Variants in SLC4A8 observed in about 807,000 individuals in gnomAD.
SLC4A8 encodes solute carrier family 4 member 8, also known as electroneutral sodium bicarbonate exchanger 1.
A neutral mutation model predicts 125.0 loss-of-function variants in SLC4A8; 40 were observed. The ratio of observed to expected loss-of-function variants is 0.32; its 90% CI spans 0.25 to 0.42. SLC4A8 has a LOEUF of 0.42. SLC4A8 is among the 10% of genes least tolerant of loss of function. The pLI is 1.00. For missense variants in SLC4A8, 863 were observed against 1,355.1 expected (o/e 0.64, Z 5.70); for synonymous variants, 456 against 476.0 (o/e 0.96, Z 0.55).
rs1460393121 is a variant in SLC4A8, at chr12:51,460,031, C to A, written c.936C>A (p.Asp312Glu). 9 of 1,613,282 alleles carry A rather than the reference C, an allele frequency of 5.6e-6. No homozygotes were observed. The highest frequency in any genetic ancestry group is 1.7e-4 in the Middle Eastern group (1 of 6,060). Residue 312 changes from aspartate (D) to glutamate (E), a missense_variant, in exon 8 of 25, where the codon GAC becomes GAA. By Grantham distance (45) the Asp-to-Glu change is conservative. This residue lies in a region of SLC4A8 where 390 missense variants were observed against 634.4 expected (regional missense o/e 0.61). Transcript: ENST00000453097. ...TGGTTGGAGAGGTGGATATTTTGGACCGTCCCATTGTTGCCTTTGTGAGGC... is the reference window on the plus strand; with the variant it reads ...TGGTTGGAGAGGTGGATATTTTGGAACGTCCCATTGTTGCCTTTGTGAGGC... The part of the protein sequence containing the change: ...NVLVGEVDIL[D>E]RPIVAFVRLS...
At chr12:51,406,517 G>A (rs1253937092) in intron 1 of SLC4A8, among the ~76,000 whole-genome samples, 6 of 151,954 alleles carry the variant, frequency 3.9e-5, no homozygotes, top group Non-Finnish European at 8.8e-5. Context: ...CATGAAGAGG[G>A]GAGTGGTTAA....
chr12:51,428,273 T>G (rs1401012339), intron 1 of SLC4A8, among the ~76,000 whole-genome samples: 3 of 152,198 alleles, frequency 2.0e-5, no homozygotes, highest in African/African-American at 7.2e-5. Flanking sequence ...AATATTCTTC[T>G]TTTGGTTTCT....
chr12:51,426,445 T>A (rs1948982348), intron 1 of SLC4A8, among the ~76,000 whole-genome samples: 3 of 152,110 alleles, frequency 2.0e-5, no homozygotes, highest in Admixed American at 2.0e-4. Context: ...CACAAATAAA[T>A]ATCATAAACT....
chr12:51,474,919 G>A (rs1239658138), intron 15 of SLC4A8, 126 bp from the exon 16 acceptor site: 12 of 843,930 alleles, frequency 1.4e-5, no homozygotes, highest in Non-Finnish European at 2.2e-5. Flanking sequence ...TAAAGGTCAA[G>A]GGGATGCTGC....
At chr12:51,472,201 A>G (rs546027522) in intron 14 of SLC4A8, among the ~76,000 whole-genome samples, 1 of 152,334 alleles carries the variant, frequency 6.6e-6, no homozygotes, top group South Asian at 2.1e-4. Context: ...CTTCTCTGGA[A>G]TAGTATTCTC....
At chr12:51,400,812 A>G (rs1948375094) in intron 1 of SLC4A8, among the ~76,000 whole-genome samples, 1 of 123,890 alleles carries the variant, frequency 8.1e-6, no homozygotes, top group South Asian at 2.4e-4. Flanking sequence ...ATATATAAAC[A>G]TATATGTTTA....
intron 1 of SLC4A8, among the ~76,000 whole-genome samples, chr12:51,397,713 A>G (rs1948291523): frequency 6.8e-6 from 1 of 146,098 alleles, no homozygotes; most frequent in South Asian, 2.2e-4. Context: ...AATTTCATCA[A>G]TTCTAAGGTG....
At chr12:51,429,690 A>G (rs967961570) in intron 1 of SLC4A8, among the ~76,000 whole-genome samples, 20 of 151,520 alleles carry the variant, frequency 1.3e-4, no homozygotes, top group East Asian at 2.0e-4. Flanking sequence ...TTTAATTTTT[A>G]TAGAGACAGA....
intron 11 of SLC4A8, among the ~76,000 whole-genome samples, chr12:51,468,407 C>T (rs1482538155): frequency 1.3e-5 from 2 of 152,228 alleles, no homozygotes; most frequent in African/African-American, 4.8e-5. Flanking sequence ...TTATGTCACT[C>T]TTCTGTTTAT....
At position 51,497,046 on chromosome 12, in the gene SLC4A8, G is replaced by T. The variant is rs754781313; in HGVS notation, c.3003G>T (p.Leu1001=). ...ATCTCTGTTTCTCTAAGCGAGAGCT[G>T]AGCTGGCTAGATGATCTCATGCCTG... is the stretch of plus-strand genomic sequence containing the variant. The part of the protein sequence containing the change: ...VMDLCFSKRE[L]SWLDDLMPES... The change falls in exon 22 of 25, where the codon CTG becomes CTT. Residue 1001 remains leucine (L), a synonymous_variant. Transcript: ENST00000453097. 1.2e-6 allele frequency: 2 copies of T among 1,614,070 alleles called. No homozygotes were observed. Among genetic ancestry groups the T allele is most frequent in the Non-Finnish European group, 1.7e-6 (2 of 1,179,984 alleles).
At chr12:51,395,711 C>T (rs1043479760) in intron 1 of SLC4A8, among the ~76,000 whole-genome samples, 1 of 152,140 alleles carries the variant, frequency 6.6e-6, no homozygotes, top group African/African-American at 2.4e-5. Flanking sequence ...TGGTCAACCT[C>T]CCTCTGTCCT....
At position 51,424,995 on chromosome 12, in the gene SLC4A8, C is replaced by G. The variant is rs1343713616; in HGVS notation, c.8C>G (p.Ala3Gly). ...ACCTAGTTCGGCTCCGCCATGCCGG[C>G]CGCCGGGAGTAACGAGCCGGACGGC... Reference protein sequence around the residue: MPAAGSNEPDGVL... With the variant: MPGAGSNEPDGVL... The change falls in exon 1 of 25, where the codon GCC becomes GGC. Residue 3 changes from alanine to glycine, a missense_variant. Ala to Gly is a moderately conservative substitution (Grantham distance 60). This residue lies in a region of SLC4A8 where 104 missense variants were observed against 116.4 expected (regional missense o/e 0.89). Coordinates refer to ENST00000453097, the MANE Select transcript of SLC4A8 (RefSeq NM_001039960.3). The G allele has an allele frequency of 6.4e-7, 1 of 1,554,928 alleles. No individual in the cohort carries two copies. The highest frequency in any genetic ancestry group is 1.9e-5 in the Admixed American group (1 of 51,814).
chr12:51,494,078 A>C (rs1951393665), intron 20 of SLC4A8, among the ~76,000 whole-genome samples: 1 of 152,154 alleles, frequency 6.6e-6, no homozygotes, highest in Non-Finnish European at 1.5e-5. Context: ...GGTGCTAGTA[A>C]ACTTGGATCT....
intron 16 of SLC4A8, among the ~76,000 whole-genome samples, chr12:51,483,441 GACACAT>G (rs1252837201): frequency 6.7e-6 from 1 of 149,944 alleles, no homozygotes; most frequent in Non-Finnish European, 1.5e-5. Flanking sequence ...GTTTCAGCCA[GACACAT>G]TTTCTTTTTC....
chr12:51,427,402 G>T (rs1455330416), intron 1 of SLC4A8, among the ~76,000 whole-genome samples: 1 of 152,104 alleles, frequency 6.6e-6, no homozygotes, highest in African/African-American at 2.4e-5. Context: ...AGTAATTCTT[G>T]AGTACTTCTG....
chr12:51,412,512 T>C (rs77204010), intron 1 of SLC4A8, among the ~76,000 whole-genome samples: 226 of 152,370 alleles, frequency 1.5e-3, no homozygotes, highest in African/African-American at 5.2e-3. Flanking sequence ...TACTGTGCTA[T>C]TGGACACTAG....
rs1214322368 is a variant in SLC4A8 at position 51,488,759 on chromosome 12, G to C, written c.2347G>C (p.Val783Leu). ...NPIGPNPWWT[V>L]IAAIIPALLC... ...CATTGGCCCCAATCCCTGGTGGACT[G>C]TGATAGCTGCAATTATCCCAGCTCT... is the stretch of plus-strand genomic sequence containing the variant. Residue 783 changes from valine to leucine, a missense_variant, in exon 18 of 25, where the codon GTG (valine) becomes CTG (leucine). By Grantham distance (32) the Val-to-Leu change is conservative. This residue lies in a region of SLC4A8 where 197 missense variants were observed against 377.7 expected (regional missense o/e 0.52). Coordinates refer to ENST00000453097, the MANE Select transcript of SLC4A8 (RefSeq NM_001039960.3). 1 of 1,613,668 alleles carries C rather than the reference G, an allele frequency of 6.2e-7. No individual in the cohort carries two copies. The highest frequency in any genetic ancestry group is 1.7e-5 in the Admixed American group (1 of 60,028).
chr12:51,453,677 A>G lies in SLC4A8; in HGVS notation c.552A>G (p.Ala184=). The change falls in exon 5 of 25, where the codon GCA becomes GCG. Residue 184 remains alanine, a synonymous_variant. Transcript: ENST00000453097. The part of the protein sequence containing the change: ...INGTVLLDMH[A]NSIEEISDLI... ...GAACAGTCCTCCTGGATATGCATGC[A>G]AATAGCATAGAAGAAATTTCAGGTA... The G allele has an allele frequency of 6.2e-7, 1 of 1,613,930 alleles. No homozygotes were observed. Among genetic ancestry groups the G allele is most frequent in the Non-Finnish European group, 8.5e-7 (1 of 1,179,928 alleles).
At chr12:51,420,471 G>A (rs1001984649), upstream of SLC4A8, among the ~76,000 whole-genome samples, 6 of 152,200 alleles carry the variant, frequency 3.9e-5, no homozygotes, top group African/African-American at 1.4e-4. Flanking sequence ...GAATCTCAAT[G>A]TCTTTCAGGA....
Sources: gnomAD v4.1 joint callset for allele counts (sites outside exome capture counted in the v4.1 genomes callset) on GRCh38, gnomAD v4.1.1 for gene constraint, gnomAD v4.1.1 regional missense constraint, MANE v1.5 for transcripts, NCBI Gene and HGNC (gene_info 2026-07-23, HGNC 2026-07-21) for gene names.